Variants in NXPH4 observed in about 807,000 individuals in gnomAD.
NXPH4 encodes neurexophilin 4.
A neutral mutation model predicts 21.3 loss-of-function variants in NXPH4; 8 were observed. The ratio of observed to expected loss-of-function variants is 0.38; its 90% CI spans 0.22 to 0.68. The LOEUF is 0.68. Among genes scored for constraint, NXPH4 ranks in the 30% least tolerant of loss-of-function variants. The pLI is 0.53. For missense variants in NXPH4, 418 were observed against 416.8 expected (o/e 1.00, Z -0.03); for synonymous variants, 219 against 192.6 (o/e 1.14, Z -1.13).
chr12:57,224,140 T>G (rs1246043410), intron 1 of NXPH4, among the ~76,000 whole-genome samples: 3 of 152,172 alleles, frequency 2.0e-5, no homozygotes, highest in African/African-American at 4.8e-5. Flanking sequence ...TTTCTTTTTT[T>G]TCTGAGAGGG....
chr12:57,225,826 G>T lies in NXPH4; in HGVS notation c.*79G>T. On this transcript the variant is annotated 3_prime_UTR_variant, in exon 2 of 2. Transcript: ENST00000349394. The stretch of plus-strand genomic sequence containing the variant: ...GGGACCCCCTTCCCAGTGTTCTGCC[G>T]CTCCTGTGGCCATGTCGCCCACTCC... 6.5e-7 allele frequency: 1 copy of T among 1,534,924 alleles called. No individual in the cohort carries two copies.
Position 57,225,621 on chromosome 12 carries a change from C to G in NXPH4, c.801C>G (p.Ala267=), listed in dbSNP as rs762407543. ...CCGAGCACACGCAGAGCCAGGCCGCCTGGCTCTGTGCCAAGCCCTTCAAAG... is the reference window on the plus strand; with the variant it reads ...CCGAGCACACGCAGAGCCAGGCCGCGTGGCTCTGTGCCAAGCCCTTCAAAG... ...CFTEHTQSQA[A]WLCAKPFKVI... is the part of the protein sequence containing the mutation. The change falls in exon 2 of 2, where the codon GCC becomes GCG. Residue 267 remains alanine, a synonymous_variant. Transcript: ENST00000349394. 2 of 1,613,710 alleles carry G rather than the reference C, an allele frequency of 1.2e-6. No homozygotes were observed. The highest frequency in any genetic ancestry group is 4.5e-5 in the East Asian group (2 of 44,864).
Position 57,217,044 on chromosome 12 carries a change from G to A in NXPH4, c.57+18G>A, listed in dbSNP as rs769985754. On this transcript the variant is annotated intron_variant, in intron 1 of 1. Transcript: ENST00000349394. Reference sequence around the variant, plus strand: ...TTAGGAAGGTAAGAGTGGCAGGGCTGGGGCGCTAGCGCGGGCGCGGGGTTC... The same window carrying A: ...TTAGGAAGGTAAGAGTGGCAGGGCTAGGGCGCTAGCGCGGGCGCGGGGTTC... The A allele has an allele frequency of 2.5e-6, 4 of 1,590,088 alleles. No homozygotes were observed. Among genetic ancestry groups the A allele is most frequent in the East Asian group, 2.3e-5 (1 of 43,748 alleles).
At position 57,225,981 on chromosome 12, in the gene NXPH4, G is replaced by A. The variant is rs750206624; in HGVS notation, c.*234G>A. The A allele has an allele frequency of 4.1e-4, 571 of 1,392,866 alleles. No homozygotes were observed. The highest frequency in any genetic ancestry group is 5.2e-4 in the Non-Finnish European group (554 of 1,065,626). The allele number at this position is 1,392,866 out of a possible 1,614,324, so 86.3% of individuals were successfully genotyped here. A position where few individuals can be genotyped will look rare whatever the true frequency, so the allele number is the denominator to read the frequency against. On this transcript the variant is annotated 3_prime_UTR_variant, in exon 2 of 2. Transcript: ENST00000349394. ...GTACACCCCAAAGTGAAAGGGATAAGAGTGCAGCCCCAGAATAGGCGGGGC... is the reference window on the plus strand; with the variant it reads ...GTACACCCCAAAGTGAAAGGGATAAAAGTGCAGCCCCAGAATAGGCGGGGC...
intron 1 of NXPH4, among the ~76,000 whole-genome samples, chr12:57,218,791 G>A (rs1051695185): frequency 6.6e-6 from 1 of 152,222 alleles, no homozygotes; most frequent in Admixed American, 6.5e-5. Context: ...GCGGGTGTGT[G>A]AATATGTATA....
Position 57,217,026 on chromosome 12 carries a change from G to A in NXPH4, c.57G>A (p.Lys19=), listed in dbSNP as rs2037045828. ...LLLFGPWLLR[K]AVSAQIPESG... is the part of the protein sequence containing the mutation. The stretch of plus-strand genomic sequence containing the variant: ...TCTTTGGCCCGTGGCTCCTTAGGAA[G>A]GTAAGAGTGGCAGGGCTGGGGCGCT... The change falls in exon 1 of 2, where the codon AAG becomes AAA. Residue 19 remains lysine (K), a splice_region_variant and synonymous_variant. Transcript: ENST00000349394. 6.2e-7 allele frequency: 1 copy of A among 1,605,414 alleles called. No individual in the cohort carries two copies. The highest frequency in any genetic ancestry group is 1.7e-5 in the Admixed American group (1 of 59,388).
Position 57,225,059 on chromosome 12 carries a change from C to T in NXPH4, c.239C>T (p.Ala80Val). The change falls in exon 2 of 2, where the codon GCA (alanine) becomes GTA (valine). Residue 80 changes from alanine to valine, a missense_variant. Ala to Val is a moderately conservative substitution (Grantham distance 64). Coordinates refer to ENST00000349394, the MANE Select transcript of NXPH4 (RefSeq NM_007224.4). ...AACCACACGGGGGCGCTGGCCCGGGCAGGGGCAGCCGGGGCGTTGCCCGCG... is the reference window on the plus strand; with the variant it reads ...AACCACACGGGGGCGCTGGCCCGGGTAGGGGCAGCCGGGGCGTTGCCCGCG... ...PTNHTGALAR[A>V]GAAGALPAQR... 6.8e-7 allele frequency: 1 copy of T among 1,474,088 alleles called. No individual in the cohort carries two copies. Among genetic ancestry groups the T allele is most frequent in the Non-Finnish European group, 9.0e-7 (1 of 1,110,986 alleles). 91.3% of individuals were successfully genotyped at this position (1,474,088 alleles called of 1,614,324 possible). A position where few individuals can be genotyped will look rare whatever the true frequency, so the allele number is the denominator to read the frequency against.
intron 1 of NXPH4, among the ~76,000 whole-genome samples, chr12:57,224,635 GA>G (rs2037123697): frequency 6.6e-6 from 1 of 152,164 alleles, no homozygotes; most frequent in Admixed American, 6.5e-5. Flanking sequence ...GCCACATCAG[GA>G]TTCTTGACGT....
chr12:57,216,800 G>C lies in NXPH4; in HGVS notation c.-170G>C, dbSNP rs1259544317. On this transcript the variant is annotated 5_prime_UTR_variant, in exon 1 of 2. Transcript: ENST00000349394. The surrounding 1 kb of genome is among the most constrained non-coding windows in gnomAD (Gnocchi z 5.3). ...CCGCCCGCGCCCCGCCCCCAGCGCC[G>C]GCTCCGCGCCTCGCGCCCAGTCCGC... The C allele has an allele frequency of 6.7e-6, 1 of 148,956 alleles. No individual in the cohort carries two copies. Among genetic ancestry groups the C allele is most frequent in the Non-Finnish European group, 1.1e-5 (1 of 87,066 alleles). The allele number at this position is 148,956 out of a possible 1,614,324, so 9.2% of individuals were successfully genotyped here.
chr12:57,221,635 C>A, intron 1 of NXPH4: 1 of 286,946 alleles, frequency 3.5e-6, no homozygotes, highest in South Asian at 3.0e-5. Flanking sequence ...CTGAACCCCC[C>A]AGCTGCCGCG....
chr12:57,218,731 G>A (rs1476602710), intron 1 of NXPH4, among the ~76,000 whole-genome samples: 4 of 151,974 alleles, frequency 2.6e-5, no homozygotes, highest in African/African-American at 9.7e-5. Flanking sequence ...GGATCTGCTG[G>A]TTAGCCCAGC....
chr12:57,221,335 C>A (rs2136769185), intron 1 of NXPH4: 1 of 455,958 alleles, frequency 2.2e-6, no homozygotes, highest in Admixed American at 2.3e-5. Context: ...CTTCCTCCGG[C>A]CAGATCCTGG....
chr12:57,226,363 G>T lies in NXPH4; in HGVS notation c.*616G>T, dbSNP rs1460724237. 1 of 185,168 alleles carries T rather than the reference G, an allele frequency of 5.4e-6. No individual in the cohort carries two copies. The highest frequency in any genetic ancestry group is 1.0e-5 in the Non-Finnish European group (1 of 96,328). The allele number at this position is 185,168 out of a possible 1,614,324, so 11.5% of individuals were successfully genotyped here. A position where few individuals can be genotyped will look rare whatever the true frequency, so the allele number is the denominator to read the frequency against. ...CAGTCCAGGCAGTCGAGCTCCACCTGCCCTCTCCTGCTGCTTCCTCTCGGT... is the reference window on the plus strand; with the variant it reads ...CAGTCCAGGCAGTCGAGCTCCACCTTCCCTCTCCTGCTGCTTCCTCTCGGT... On this transcript the variant is annotated 3_prime_UTR_variant, in exon 2 of 2. Coordinates refer to ENST00000349394, the MANE Select transcript of NXPH4 (RefSeq NM_007224.4).
chr12:57,225,098 G>A lies in NXPH4; in HGVS notation c.278G>A (p.Arg93Lys), dbSNP rs1245018294. Residue 93 changes from arginine (R) to lysine (K), a missense_variant, in exon 2 of 2, where the codon AGG becomes AAG. Transcript: ENST00000349394. ...GCGTTGCCCGCGCAGCGCACCAAGA[G>A]GAAGCCGTCCATCAAGGCGGCGCGC... The part of the protein sequence containing the change: ...AGALPAQRTK[R>K]KPSIKAARAK... 7.3e-6 allele frequency: 11 copies of A among 1,498,334 alleles called. No homozygotes were observed. Among genetic ancestry groups the A allele is most frequent in the South Asian group, 1.3e-5 (1 of 77,302 alleles). The allele number at this position is 1,498,334 out of a possible 1,614,324, so 92.8% of individuals were successfully genotyped here.
In NXPH4 at chr12:57,225,563, C is replaced by T; in HGVS notation, c.743C>T (p.Pro248Leu). The T allele has an allele frequency of 1.2e-6, 2 of 1,613,362 alleles. No homozygotes were observed. The highest frequency in any genetic ancestry group is 1.7e-6 in the Non-Finnish European group (2 of 1,180,014). The change falls in exon 2 of 2, where the codon CCG (proline) becomes CTG (leucine). Residue 248 changes from proline (P) to leucine (L), a missense_variant. Physicochemically the swap from Pro to Leu is moderately conservative, Grantham distance 98 (BLOSUM62 -3). Coordinates refer to ENST00000349394, the MANE Select transcript of NXPH4 (RefSeq NM_007224.4). ...EKTNRARKHR[P>L]CLYDPSQVCF... is the part of the protein sequence containing the mutation. Reference sequence around the variant, plus strand: ...ACAAACCGCGCGCGCAAGCACCGACCGTGCCTGTACGACCCGTCGCAGGTG... The same window carrying T: ...ACAAACCGCGCGCGCAAGCACCGACTGTGCCTGTACGACCCGTCGCAGGTG...
In NXPH4 at chr12:57,226,035, C is replaced by A; in HGVS notation, c.*288C>A. 1 of 907,484 alleles carries A rather than the reference C, an allele frequency of 1.1e-6. No homozygotes were observed. Among genetic ancestry groups the A allele is most frequent in the Non-Finnish European group, 1.6e-6 (1 of 638,218 alleles). 56.2% of individuals were successfully genotyped at this position (907,484 alleles called of 1,614,324 possible). On this transcript the variant is annotated 3_prime_UTR_variant, in exon 2 of 2. Transcript: ENST00000349394. ...GAGGCGGTCCCAATGTCCCCTGGGT[C>A]CACAGTGGGTCCCCTTTTCACCCTT...
rs79997751 is a variant in NXPH4, at chr12:57,225,176, A to G, written c.356A>G (p.Lys119Arg). ...TTCTACTTTCGGGTGCATACCCTCA[A>G]GTTTTCGCTGCTGGTGACCGGCAAG... is the stretch of plus-strand genomic sequence containing the variant. ...GDFYFRVHTLKFSLLVTGKIV... is the reference protein window; with the variant it reads ...GDFYFRVHTLRFSLLVTGKIV... The change falls in exon 2 of 2, where the codon AAG (lysine) becomes AGG (arginine). Residue 119 changes from lysine (K) to arginine (R), a missense_variant. Transcript: ENST00000349394. 7 of 1,590,286 alleles carry G rather than the reference A, an allele frequency of 4.4e-6. No individual in the cohort carries two copies. Among genetic ancestry groups the G allele is most frequent in the South Asian group, 1.1e-5 (1 of 89,108 alleles).
intron 1 of NXPH4, 74 bp downstream of exon 1, chr12:57,217,100 C>T: frequency 1.6e-6 from 2 of 1,266,564 alleles, no homozygotes; most frequent in Non-Finnish European, 2.2e-6. Flanking sequence ...GTGCGAGGGG[C>T]TCCGTGCGCC....
At chr12:57,217,638 G>A (rs975737440) in intron 1 of NXPH4, among the ~76,000 whole-genome samples, 8 of 152,186 alleles carry the variant, frequency 5.3e-5, no homozygotes, top group Admixed American at 2.6e-4. Flanking sequence ...ACTGAAGGGG[G>A]AGGCTGTCTG....
Sources: gnomAD v4.1 joint callset for allele counts (sites outside exome capture counted in the v4.1 genomes callset) on GRCh38, gnomAD v4.1.1 for gene constraint, Gnocchi (gnomAD v3.1) non-coding constraint, MANE v1.5 for transcripts, NCBI Gene and HGNC (gene_info 2026-07-23, HGNC 2026-07-21) for gene names.